Variants in KDM2A observed in about 807,000 individuals in gnomAD.
KDM2A encodes lysine-specific demethylase 2A.
KDM2A carries 3 observed loss-of-function variants against 137.3 expected under a neutral mutation model. The ratio of observed to expected loss-of-function variants is 0.02; its 90% confidence interval spans 0.01 to 0.06. The LOEUF is 0.06. Ranked by LOEUF, KDM2A falls within the 10% of genes least tolerant of loss-of-function variation. The probability of loss-of-function intolerance (pLI) is 1.00; values close to 1 mark genes in which losing one functional copy is unlikely to be tolerated. For synonymous variants in KDM2A, 512 were observed against 541.5 expected, an observed-to-expected ratio of 0.95 and a Z score of 0.76; for missense variants, 738 against 1,510.6, an observed-to-expected ratio of 0.49 and a Z score of 8.48.
At chr11:67,253,216 A>T (rs1317608170) in intron 18 of KDM2A, among the ~76,000 whole-genome samples, 1 of 152,206 alleles carries the variant, frequency 6.6e-6, no homozygotes, top group Non-Finnish European at 1.5e-5. Context: ...TCTTAGAAAG[A>T]CAGGAAGTCA....
chr11:67,254,500 C>T lies in KDM2A; in HGVS notation c.3307+82C>T, dbSNP rs1226969938. On this transcript the variant is annotated intron_variant, in intron 20 of 20. Coordinates refer to ENST00000529006, the MANE Select transcript of KDM2A (RefSeq NM_012308.3). This position sits in a 1 kb window ranked among gnomAD's most constrained non-coding sequence, Gnocchi z 4.7. ...GAACTTGATCAGTAAACCAGAATGA[C>T]CTTGGGTCTGTTGATTGACCCACAT... 4.1e-6 allele frequency: 5 copies of T among 1,221,696 alleles called. No homozygotes were observed. The Admixed American group carries it at 6.8e-5, about 17-fold the overall frequency. The allele number at this position is 1,221,696 out of a possible 1,614,324, so 75.7% of individuals were successfully genotyped here.
At chr11:67,232,391 T>C (rs1022718757) in intron 12 of KDM2A, among the ~76,000 whole-genome samples, 3 of 152,242 alleles carry the variant, frequency 2.0e-5, no homozygotes, top group African/African-American at 7.2e-5. Context: ...TTTAGCCTCT[T>C]TAGATTCAAA....
At chr11:67,158,869 T>G (rs1045611313) in intron 2 of KDM2A, among the ~76,000 whole-genome samples, 2 of 152,180 alleles carry the variant, frequency 1.3e-5, no homozygotes, top group African/African-American at 4.8e-5. Context: ...ATTGTGCTGG[T>G]TTTTTTATTG....
chr11:67,145,980 T>C (rs548098678), intron 2 of KDM2A, among the ~76,000 whole-genome samples: 16 of 151,282 alleles, frequency 1.1e-4, no homozygotes, highest in African/African-American at 3.9e-4. Flanking sequence ...CTTCCCGTTT[T>C]TTGTTTTGTT....
At chr11:67,240,017 C>CT (rs1858979533) in intron 12 of KDM2A, 1 of 1,294,384 alleles carries the variant, frequency 7.7e-7, no homozygotes, top group South Asian at 2.4e-5. Flanking sequence ...CTCGCTCACT[C>CT]TCGCTCGGCT....
rs189217759 is a variant in KDM2A, at chr11:67,132,999, A to G, written c.42+11641A>G. ...AAGGACTGACTAAACTTTGTAACTGATGGATAGCAGCATGTTATGATAGAG... is the reference window on the plus strand; with the variant it reads ...AAGGACTGACTAAACTTTGTAACTGGTGGATAGCAGCATGTTATGATAGAG... On this transcript the variant is annotated intron_variant, in intron 2 of 20. Transcript: ENST00000529006. 6.3e-4 allele frequency among the ~76,000 whole-genome samples: 96 copies of G among 152,360 alleles called. 1 individual carries two copies. The highest frequency in any genetic ancestry group is 1.1e-3 in the Non-Finnish European group (76 of 68,032).
At position 67,245,791 on chromosome 11, in the gene KDM2A, C is replaced by T. The variant is rs1234655467; in HGVS notation, c.1834-194C>T. The T allele has an allele frequency of 6.2e-6, 4 of 647,822 alleles. No homozygotes were observed. The African/African-American group carries it at 7.3e-5, about 12-fold the overall frequency. 40.1% of individuals were successfully genotyped at this position (647,822 alleles called of 1,614,324 possible). On this transcript the variant is annotated intron_variant, in intron 14 of 20. Transcript: ENST00000529006. This position sits in a 1 kb window ranked among gnomAD's most constrained non-coding sequence, Gnocchi z 4.1. ...CTGAAAATAAACTAGTCTCTGGTGC[C>T]CAGGTGGTTGAGTCCTCCTCTTCCC...
At chr11:67,142,616 A>G (rs942712967) in intron 2 of KDM2A, among the ~76,000 whole-genome samples, 1 of 150,798 alleles carries the variant, frequency 6.6e-6, no homozygotes, top group Non-Finnish European at 1.5e-5. Flanking sequence ...AGGCAAGAGA[A>G]TCGCTTGAAC....
At chr11:67,192,826 A>G (rs1857389501) in intron 5 of KDM2A, among the ~76,000 whole-genome samples, 1 of 152,148 alleles carries the variant, frequency 6.6e-6, no homozygotes, top group Admixed American at 6.5e-5. Context: ...TTTAGACGGT[A>G]TAAGCCTAGA....
chr11:67,208,217 T>A (rs548044168), intron 6 of KDM2A, among the ~76,000 whole-genome samples: 8 of 151,498 alleles, frequency 5.3e-5, no homozygotes, highest in African/African-American at 1.7e-4. Flanking sequence ...AATTTTAAAA[T>A]TTTAAAATTT....
At chr11:67,198,815 G>T (rs565298227) in intron 5 of KDM2A, among the ~76,000 whole-genome samples, 7 of 151,676 alleles carry the variant, frequency 4.6e-5, no homozygotes, top group African/African-American at 1.7e-4. Flanking sequence ...GTCTCACTCT[G>T]TTGCCCAGGC....
intron 12 of KDM2A, among the ~76,000 whole-genome samples, chr11:67,240,563 G>T (rs1167321964): frequency 1.3e-5 from 2 of 152,156 alleles, no homozygotes; most frequent in Non-Finnish European, 2.9e-5. Flanking sequence ...TGGGTTGGTT[G>T]GCTTTTGAGA....
intron 17 of KDM2A, among the ~76,000 whole-genome samples, chr11:67,251,678 C>T (rs1020882361): frequency 6.6e-6 from 1 of 152,168 alleles, no homozygotes; most frequent in African/African-American, 2.4e-5. Context: ...AAGCGCTCCT[C>T]CAGGGGACTC....
chr11:67,206,951 A>T (rs1857823493), intron 5 of KDM2A, among the ~76,000 whole-genome samples: 1 of 152,220 alleles, frequency 6.6e-6, no homozygotes, highest in Non-Finnish European at 1.5e-5. Flanking sequence ...TTCTTCATGA[A>T]CTAGGATAAT....
Position 67,243,032 on chromosome 11 carries a change from C to T in KDM2A, c.1503C>T (p.Asn501=), listed in dbSNP as rs768328843. The T allele has an allele frequency of 6.2e-7, 1 of 1,613,792 alleles. No homozygotes were observed. The highest frequency in any genetic ancestry group is 2.2e-5 in the East Asian group (1 of 44,884). Residue 501 remains asparagine, a synonymous_variant, in exon 13 of 21, where the codon AAC becomes AAT. Coordinates refer to ENST00000529006, the MANE Select transcript of KDM2A (RefSeq NM_012308.3). Reference sequence around the variant, plus strand: ...AGATTTTGCTGGAGGAGCTTGCCAACAGCGATCCCAAGTTAGCCCTCACTG... The same window carrying T: ...AGATTTTGCTGGAGGAGCTTGCCAATAGCGATCCCAAGTTAGCCCTCACTG... ...DVKILLEELA[N]SDPKLALTGV...
chr11:67,220,075 G>A (rs1858297180), intron 10 of KDM2A, among the ~76,000 whole-genome samples: 1 of 151,446 alleles, frequency 6.6e-6, no homozygotes, highest in African/African-American at 2.4e-5. Flanking sequence ...CAGTGTCACA[G>A]TCATGGCTCA....
At position 67,247,037 on chromosome 11, in the gene KDM2A, TTATATATATATATA is replaced by T. The variant is rs59101290; in HGVS notation, c.1965+943_1965+956del. On this transcript the variant is annotated intron_variant, in intron 15 of 20. Coordinates refer to ENST00000529006, the MANE Select transcript of KDM2A (RefSeq NM_012308.3). ...TATTCATTTAATGTTATAAATTATT[TTATATATATATATA>T]TATATATATATATATATATATTTTT... Among the ~76,000 whole-genome samples the T allele has an allele frequency of 2.8e-3, 91 of 33,074 alleles. 1 individual carries two copies. Among genetic ancestry groups the T allele is most frequent in the African/African-American group, 8.5e-3 (80 of 9,400 alleles). 21.7% of individuals were successfully genotyped at this position (33,074 alleles called of 152,430 possible). A position where few individuals can be genotyped will look rare whatever the true frequency, so the allele number is the denominator to read the frequency against.
At chr11:67,191,758 G>C (rs1022009142) in intron 5 of KDM2A, among the ~76,000 whole-genome samples, 10 of 152,134 alleles carry the variant, frequency 6.6e-5, no homozygotes, top group African/African-American at 2.4e-4. Context: ...AACACCAAAA[G>C]CATTTAAGAT....
intron 8 of KDM2A, chr11:67,217,437 T>C: frequency 2.8e-6 from 1 of 355,092 alleles, no homozygotes; most frequent in South Asian, 3.1e-5. Flanking sequence ...CCAGACAGAG[T>C]GTTTAAGGGA....
Sources: gnomAD v4.1 joint callset for allele counts (sites outside exome capture counted in the v4.1 genomes callset) on GRCh38, gnomAD v4.1.1 for gene constraint, Gnocchi (gnomAD v3.1) non-coding constraint, MANE v1.5 for transcripts, NCBI Gene and HGNC (gene_info 2026-07-23, HGNC 2026-07-21) for gene names.